Variants in NRXN3 observed in about 807,000 individuals in gnomAD.
NRXN3 encodes neurexin III.
Under a neutral mutation model 137.6 loss-of-function variants are expected in NRXN3, and 32 were observed. That is an observed-to-expected ratio of 0.23 (90% CI 0.18 to 0.31). The LOEUF is 0.31. NRXN3 is among the 10% of genes least tolerant of loss of function. The pLI, the probability that NRXN3 is intolerant of heterozygous loss-of-function variation, is 1.00. For synonymous variants in NRXN3, 798 were observed against 784.5 expected, an observed-to-expected ratio of 1.02 and a Z score of -0.29; for missense variants, 1,574 against 2,062.5, an observed-to-expected ratio of 0.76 and a Z score of 4.59.
chr14:78,743,896 T>A (rs1484723866), intron 8 of NRXN3, among the ~76,000 whole-genome samples: 1 of 152,164 alleles, frequency 6.6e-6, no homozygotes, highest in Non-Finnish European at 1.5e-5. Context: ...GAAGAGAACT[T>A]TACTGAATTC....
chr14:79,113,363 G>A (rs778801232), intron 15 of NRXN3, among the ~76,000 whole-genome samples: 1 of 152,122 alleles, frequency 6.6e-6, no homozygotes, highest in Non-Finnish European at 1.5e-5. Context: ...GGGAACAAAG[G>A]CTAAGTAAAG....
intron 15 of NRXN3, among the ~76,000 whole-genome samples, chr14:79,041,927 G>A (rs1233875292): frequency 1.3e-5 from 2 of 152,122 alleles, no homozygotes; most frequent in African/African-American, 2.4e-5. Flanking sequence ...TAGGAGGGGA[G>A]GGAATGTTAG....
intron 4 of NRXN3, among the ~76,000 whole-genome samples, chr14:78,449,139 G>T (rs1313435672): frequency 6.6e-6 from 1 of 152,118 alleles, no homozygotes; most frequent in Non-Finnish European, 1.5e-5. Context: ...CTGAACTTCA[G>T]GAACAGCACC....
intron 15 of NRXN3, among the ~76,000 whole-genome samples, chr14:79,289,045 G>A (rs2082734298): frequency 6.6e-6 from 1 of 152,148 alleles, no homozygotes; most frequent in African/African-American, 2.4e-5. Context: ...ACACCAATGG[G>A]CTCGTAGAAC....
intron 6 of NRXN3, among the ~76,000 whole-genome samples, chr14:78,686,496 G>T (rs972731076): frequency 6.6e-6 from 1 of 152,150 alleles, no homozygotes; most frequent in Admixed American, 6.6e-5. Context: ...TGGAAAGCAG[G>T]TTTTGCCATT....
At chr14:79,170,212 G>A (rs1464627876) in intron 15 of NRXN3, among the ~76,000 whole-genome samples, 1 of 152,112 alleles carries the variant, frequency 6.6e-6, no homozygotes, top group African/African-American at 2.4e-5. Context: ...GGAAGGGTAA[G>A]ACCTTTATTC....
intron 10 of NRXN3, among the ~76,000 whole-genome samples, chr14:78,956,735 C>T (rs1276148020): frequency 6.6e-6 from 1 of 151,986 alleles, no homozygotes; most frequent in Admixed American, 6.6e-5. Context: ...CTAGTAGGAC[C>T]CTGTGTTAAT....
chr14:78,643,294 G>A (rs1481627924), intron 4 of NRXN3, among the ~76,000 whole-genome samples: 2 of 152,036 alleles, frequency 1.3e-5, no homozygotes, highest in Admixed American at 6.6e-5. Context: ...GTGTAGTTCC[G>A]GCAGGGAAAA....
In NRXN3 at chr14:78,641,420, C is replaced by T. The variant is rs575727970; in HGVS notation, c.758-3700C>T. Among the ~76,000 whole-genome samples the T allele has an allele frequency of 1.1e-3, 163 of 152,148 alleles. 1 individual carries two copies. The highest frequency in any genetic ancestry group is 2.9e-3 in the African/African-American group (122 of 41,510). On this transcript the variant is annotated intron_variant, in intron 4 of 20. Coordinates refer to ENST00000335750, the MANE Select transcript of NRXN3 (RefSeq NM_001330195.2). ...TTGGGAGGCAGAGCTTGCAGTGAGT[C>T]GAGGTCGTGCCACTGCACTCCAGCC...
intron 15 of NRXN3, among the ~76,000 whole-genome samples, chr14:79,153,191 C>T (rs1013706936): frequency 1.3e-5 from 2 of 151,810 alleles, no homozygotes; most frequent in African/African-American, 4.8e-5. Flanking sequence ...ACCAACTGAC[C>T]TGTATCAGCC....
At chr14:78,955,021 C>T (rs1202037415) in intron 10 of NRXN3, among the ~76,000 whole-genome samples, 1 of 152,112 alleles carries the variant, frequency 6.6e-6, no homozygotes, top group Non-Finnish European at 1.5e-5. Flanking sequence ...TAGTCATTTT[C>T]CGCTTATCTT....
chr14:78,467,548 TC>T (rs1350181210), intron 4 of NRXN3, among the ~76,000 whole-genome samples: 2 of 152,242 alleles, frequency 1.3e-5, no homozygotes, highest in Non-Finnish European at 2.9e-5. Flanking sequence ...TTATGTTGAC[TC>T]AGTCTTTCCC....
At chr14:78,528,156 T>C (rs2096407470) in intron 4 of NRXN3, among the ~76,000 whole-genome samples, 1 of 152,240 alleles carries the variant, frequency 6.6e-6, no homozygotes, top group East Asian at 1.9e-4. Flanking sequence ...TTAATGGAAG[T>C]AAAACAACCC....
In NRXN3 at chr14:79,467,221, C is replaced by T; in HGVS notation, c.3263C>T (p.Pro1088Leu). The T allele has an allele frequency of 6.3e-7, 1 of 1,593,618 alleles. No homozygotes were observed. The change falls in exon 16 of 21, where the codon CCT becomes CTT. Residue 1088 changes from proline to leucine, a missense_variant and splice_region_variant. By Grantham distance (98) the Pro-to-Leu change is moderately conservative. Around this residue, in one of 5 missense-constraint regions of NRXN3, gnomAD observed 718 missense variants for 887.6 expected, o/e 0.81. Coordinates refer to ENST00000335750, the MANE Select transcript of NRXN3 (RefSeq NM_001330195.2). The part of the protein sequence containing the change: ...TSYSGNQCND[P>L]GATYIFGKSG... ...TCTCCCTCTCTCCTTGCTTTTGCAG[C>T]TGGCGCTACGTACATCTTTGGGAAA... is the stretch of plus-strand genomic sequence containing the variant.
chr14:78,535,138 T>TG (rs981276715), intron 4 of NRXN3, among the ~76,000 whole-genome samples: 1 of 132,716 alleles, frequency 7.5e-6, no homozygotes, highest in Non-Finnish European at 1.6e-5. Flanking sequence ...ATCTTTTAAT[T>TG]GAAAAAAAAA....
At chr14:78,291,918 T>G (rs1256743202) in intron 3 of NRXN3, among the ~76,000 whole-genome samples, 1 of 152,212 alleles carries the variant, frequency 6.6e-6, no homozygotes, top group African/African-American at 2.4e-5. Context: ...ATCTTTTTCT[T>G]TTTTTCTCCC....
At chr14:79,582,801 C>T (rs1253239789) in intron 16 of NRXN3, among the ~76,000 whole-genome samples, 2 of 152,168 alleles carry the variant, frequency 1.3e-5, no homozygotes, top group African/African-American at 2.4e-5. Flanking sequence ...TACATAACAA[C>T]ATTATGTATA....
intron 8 of NRXN3, among the ~76,000 whole-genome samples, chr14:78,763,802 C>A (rs560902181): frequency 1.3e-5 from 2 of 152,294 alleles, no homozygotes; most frequent in African/African-American, 4.8e-5. Flanking sequence ...ATACCACCTA[C>A]CTGGAGTAAG....
chr14:78,394,304 T>C (rs2091171188), intron 4 of NRXN3, among the ~76,000 whole-genome samples: 1 of 151,964 alleles, frequency 6.6e-6, no homozygotes, highest in Non-Finnish European at 1.5e-5. Flanking sequence ...TTTTGTCAGA[T>C]GCTATTTATG....
Sources: gnomAD v4.1 joint callset for allele counts (sites outside exome capture counted in the v4.1 genomes callset) on GRCh38, gnomAD v4.1.1 for gene constraint, gnomAD v4.1.1 regional missense constraint, MANE v1.5 for transcripts, NCBI Gene and HGNC (gene_info 2026-07-23, HGNC 2026-07-21) for gene names.